Variants in ATP6V0A1 observed in about 807,000 individuals in gnomAD.
ATP6V0A1 encodes ATPase H+ transporting V0 subunit a1.
ATP6V0A1 carries 43 observed loss-of-function variants against 105.4 expected under a neutral mutation model. The ratio of observed to expected loss-of-function variants is 0.41; its 90% CI spans 0.32 to 0.53. The LOEUF (loss-of-function observed/expected upper bound fraction) is 0.53, where lower values mean the gene tolerates loss of function less well. ATP6V0A1 is among the 20% of genes least tolerant of loss of function. The probability of loss-of-function intolerance (pLI) is 0.30; values close to 1 mark genes in which losing one functional copy is unlikely to be tolerated. For missense variants in ATP6V0A1, 676 were observed against 1,051.1 expected (o/e 0.64, Z 4.93); for synonymous variants, 362 against 372.8 (o/e 0.97, Z 0.33).
At chr17:42,478,336 T>C in intron 6 of ATP6V0A1, 127 bp from the exon 7 acceptor site, 1 of 626,904 alleles carries the variant, frequency 1.6e-6, no homozygotes, top group Non-Finnish European at 2.0e-6. Context: ...GTTGTGCACA[T>C]GTACCCTAGA....
intron 7 of ATP6V0A1, chr17:42,480,437 G>A (rs953909125): frequency 3.2e-5 from 13 of 408,222 alleles, no homozygotes; most frequent in African/African-American, 2.7e-4. Context: ...CAAGCTCCTG[G>A]TTGAGTCAAA....
At position 42,476,071 on chromosome 17, in the gene ATP6V0A1, G is replaced by T. The variant is rs184581537; in HGVS notation, c.424-1589G>T. Among the ~76,000 whole-genome samples the T allele has an allele frequency of 4.9e-4, 74 of 152,286 alleles. 1 individual carries two copies. The highest frequency in any genetic ancestry group is 4.6e-3 in the Admixed American group (70 of 15,290). On this transcript the variant is annotated intron_variant, in intron 5 of 21. Transcript: ENST00000343619. Reference sequence around the variant, plus strand: ...GGATAAACCAAGAACAAGTTGAAATGTTGTAATCATCGGGATCCTGAAAAC... The same window carrying T: ...GGATAAACCAAGAACAAGTTGAAATTTTGTAATCATCGGGATCCTGAAAAC...
chr17:42,494,243 AAGG>A (rs1317758413), intron 11 of ATP6V0A1, 88 bp from the exon 12 acceptor site: 4 of 1,333,898 alleles, frequency 3.0e-6, no homozygotes, highest in Non-Finnish European at 4.1e-6. Flanking sequence ...CAAAAAAAAA[AAGG>A]GGGGTGGGTA....
At chr17:42,492,706 CAAAAAAA>C (rs56397012) in intron 11 of ATP6V0A1, among the ~76,000 whole-genome samples, 1 of 95,136 alleles carries the variant, frequency 1.1e-5, no homozygotes, top group Non-Finnish European at 2.1e-5. Flanking sequence ...AACTCTGTCT[CAAAAAAA>C]AAAAAAAAAA....
At chr17:42,478,931 A>T in intron 7 of ATP6V0A1, 1 of 152,740 alleles carries the variant, frequency 6.5e-6, no homozygotes. Flanking sequence ...TTTGAGGTGG[A>T]GTCTCACTCT....
intron 17 of ATP6V0A1, among the ~76,000 whole-genome samples, chr17:42,504,935 A>G (rs114757349): frequency 3.3e-5 from 5 of 152,164 alleles, no homozygotes; most frequent in African/African-American, 1.2e-4. Flanking sequence ...AAAAAGACAC[A>G]TGAGGAATTG....
At chr17:42,469,901 G>C (rs1036700190) in intron 4 of ATP6V0A1, among the ~76,000 whole-genome samples, 189 bp from the exon 5 acceptor site, 1 of 151,818 alleles carries the variant, frequency 6.6e-6, no homozygotes, top group African/African-American at 2.4e-5. Context: ...CTCGGCCCAG[G>C]AGAGATTATT....
rs146311306 is a variant in ATP6V0A1, at chr17:42,508,350, G to A, written c.2113-222G>A. On this transcript the variant is annotated intron_variant, in intron 18 of 21. Coordinates refer to ENST00000343619, the MANE Select transcript of ATP6V0A1 (RefSeq NM_001130021.3). Reference sequence around the variant, plus strand: ...TCACTATATATGATTTTTTAAAAAAGAAATCACAAGGGTTGTGGATGCCTT... The same window carrying A: ...TCACTATATATGATTTTTTAAAAAAAAAATCACAAGGGTTGTGGATGCCTT... 5.5e-3 allele frequency among the ~76,000 whole-genome samples: 843 copies of A among 152,284 alleles called. 8 individuals carry two copies. The highest frequency in any genetic ancestry group is 0.019 in the African/African-American group (795 of 41,560).
chr17:42,510,802 G>A (rs1162458158), intron 19 of ATP6V0A1: 2 of 152,216 alleles, frequency 1.3e-5, no homozygotes, highest in Non-Finnish European at 2.9e-5. Flanking sequence ...ACAAGGTCAG[G>A]AGGCATAGAC....
At chr17:42,484,308 C>T (rs924009275) in intron 9 of ATP6V0A1, among the ~76,000 whole-genome samples, 5 of 152,134 alleles carry the variant, frequency 3.3e-5, no homozygotes, top group South Asian at 4.1e-4. Flanking sequence ...CTGCCTGCCT[C>T]GGTCTCCCAA....
intron 21 of ATP6V0A1, among the ~76,000 whole-genome samples, chr17:42,517,390 G>A (rs1262207380): frequency 1.3e-5 from 2 of 152,338 alleles, no homozygotes; most frequent in African/African-American, 4.8e-5. Context: ...TAGAGTGAGA[G>A]AAGACCCCAG....
chr17:42,491,726 G>A lies in ATP6V0A1; in HGVS notation c.1174+1089G>A, dbSNP rs182192938. 1.6e-3 allele frequency among the ~76,000 whole-genome samples: 243 copies of A among 152,074 alleles called. 2 individuals carry two copies. The highest frequency in any genetic ancestry group is 0.014 in the East Asian group (71 of 5,138). On this transcript the variant is annotated intron_variant, in intron 11 of 21. Coordinates refer to ENST00000343619, the MANE Select transcript of ATP6V0A1 (RefSeq NM_001130021.3). ...TCTAACTCCTGACTTCAGGTGATCT[G>A]CCTGCCTCTGCCTCCCCAAGTGCTG...
chr17:42,509,744 T>G (rs2092253370), intron 19 of ATP6V0A1: 1 of 152,240 alleles, frequency 6.6e-6, no homozygotes, highest in Non-Finnish European at 1.5e-5. Context: ...TCTGACCAAC[T>G]ATTGTGTACC....
chr17:42,474,363 C>T (rs1005463916), intron 5 of ATP6V0A1, among the ~76,000 whole-genome samples: 2 of 151,668 alleles, frequency 1.3e-5, no homozygotes, highest in African/African-American at 4.9e-5. Flanking sequence ...ACTTAGAGCA[C>T]AAGACCGTGG....
At chr17:42,479,675 T>G (rs11079048) in intron 7 of ATP6V0A1, among the ~76,000 whole-genome samples, 152,221 of 152,330 alleles carry the variant, frequency 1, 76,056 homozygotes, top group Middle Eastern at 1. Flanking sequence ...CAGCTGCAGG[T>G]CTTTCATCCT....
intron 5 of ATP6V0A1, among the ~76,000 whole-genome samples, chr17:42,472,648 G>A (rs903014144): frequency 6.6e-6 from 1 of 151,922 alleles, no homozygotes; most frequent in African/African-American, 2.4e-5. Flanking sequence ...CGCTTGAACC[G>A]GGGAGGCGGA....
chr17:42,514,267 T>G, intron 20 of ATP6V0A1, 22 bp from the exon 21 acceptor site: 2 of 1,559,204 alleles, frequency 1.3e-6, no homozygotes, highest in Non-Finnish European at 1.7e-6. Flanking sequence ...CTGCACTGGA[T>G]TTTGTGTCTC....
At chr17:42,515,730 T>C (rs2092595999) in intron 21 of ATP6V0A1, among the ~76,000 whole-genome samples, 2 of 149,528 alleles carry the variant, frequency 1.3e-5, no homozygotes, top group South Asian at 2.2e-4. Context: ...GGAGGTTGCA[T>C]TGAGCCAAGA....
intron 9 of ATP6V0A1, among the ~76,000 whole-genome samples, chr17:42,486,326 G>A (rs1265998051): frequency 1.3e-5 from 2 of 151,962 alleles, no homozygotes; most frequent in Non-Finnish European, 2.9e-5. Flanking sequence ...CGGGAGAATC[G>A]TTTGAACCCG....
Sources: allele counts gnomAD v4.1 joint callset (sites outside exome capture counted in the v4.1 genomes callset), GRCh38; gene constraint gnomAD v4.1.1; transcripts MANE v1.5; gene names NCBI Gene and HGNC (gene_info 2026-07-23, HGNC 2026-07-21).